The following VPS13B variants were observed in gnomAD, a reference collection of about 807,000 sequenced individuals.
The protein encoded by VPS13B is intermembrane lipid transfer protein VPS13B.
VPS13B carries 285 observed loss-of-function variants against 426.4 expected under a neutral mutation model. That is an observed-to-expected ratio of 0.67 (90% confidence interval 0.61 to 0.74). The LOEUF (loss-of-function observed/expected upper bound fraction) is 0.74. VPS13B is among the 30% of genes least tolerant of loss of function. The pLI is 0.00. For missense variants in VPS13B, 4,537 were observed against 4,782.6 expected, an observed-to-expected ratio of 0.95 and a Z score of 1.51; for synonymous variants, 1,676 against 1,676.4, an observed-to-expected ratio of 1.00 and a Z score of 0.01.
At chr8:99,241,278 G>C (rs1053650170) in intron 17 of VPS13B, 15 of 152,212 alleles carry the variant, frequency 9.9e-5, no homozygotes, top group African/African-American at 3.6e-4. Flanking sequence ...AGAGAGGAAA[G>C]AGGATAGTGA....
chr8:99,292,688 T>A (rs1183413808), intron 19 of VPS13B, among the ~76,000 whole-genome samples: 1 of 152,106 alleles, frequency 6.6e-6, no homozygotes, highest in East Asian at 1.9e-4. Flanking sequence ...AAATAGCAAA[T>A]AATTTAGATA....
intron 28 of VPS13B, chr8:99,507,728 T>C: frequency 1.9e-6 from 3 of 1,613,760 alleles, no homozygotes; most frequent in African/African-American, 1.3e-5. Flanking sequence ...TTTTATTGCT[T>C]TTTGTCTTTT....
At position 99,505,840 on chromosome 8, in the gene VPS13B, G is replaced by A. The variant is rs118180258; in HGVS notation, c.4158-1297G>A. Among the ~76,000 whole-genome samples, 110 of 152,094 alleles carry A rather than the reference G, an allele frequency of 7.2e-4. 1 individual carries two copies. The East Asian group carries it at 0.02, about 28-fold the overall frequency. On this transcript the variant is annotated intron_variant, in intron 27 of 61. Transcript: ENST00000357162. ...ATAAAGCAAAGCCCATAAAACCGAG[G>A]TATGCCTGTACTTATTCTCAAAGAG... is the stretch of plus-strand genomic sequence containing the variant.
chr8:99,768,762 A>G (rs1811348595), intron 40 of VPS13B, among the ~76,000 whole-genome samples: 1 of 152,212 alleles, frequency 6.6e-6, no homozygotes, highest in Non-Finnish European at 1.5e-5. Context: ...TTTTACCTGC[A>G]TATAGTTCAG....
At chr8:99,316,395 C>T (rs1018945604) in intron 19 of VPS13B, among the ~76,000 whole-genome samples, 2 of 152,152 alleles carry the variant, frequency 1.3e-5, no homozygotes, top group Non-Finnish European at 2.9e-5. Context: ...CCTGGATTCT[C>T]AAAGTGGTGC....
rs376701789 is a variant in VPS13B, at chr8:99,293,478, G to A, written c.2824+18224G>A. ...AGGCATTACCATTCAGGACATAGGCGTGGGCAAGGACTTCATGTCCAAAAC... is the reference window on the plus strand; with the variant it reads ...AGGCATTACCATTCAGGACATAGGCATGGGCAAGGACTTCATGTCCAAAAC... On this transcript the variant is annotated intron_variant, in intron 19 of 61. Coordinates refer to ENST00000357162, the MANE Select transcript of VPS13B (RefSeq NM_152564.5). Among the ~76,000 whole-genome samples the A allele has an allele frequency of 6.4e-3, 688 of 108,048 alleles. 10 individuals carry two copies. The highest frequency in any genetic ancestry group is 0.018 in the East Asian group (72 of 3,922). 70.9% of individuals were successfully genotyped at this position (108,048 alleles called of 152,430 possible).
intron 19 of VPS13B, among the ~76,000 whole-genome samples, chr8:99,296,340 A>C (rs181827997): frequency 6.6e-6 from 1 of 152,276 alleles, no homozygotes; most frequent in Admixed American, 6.5e-5. Context: ...CACTGGAAAT[A>C]AGGATAATAT....
At chr8:99,792,784 T>C (rs1377971856) in intron 43 of VPS13B, among the ~76,000 whole-genome samples, 1 of 152,164 alleles carries the variant, frequency 6.6e-6, no homozygotes, top group African/African-American at 2.4e-5. Context: ...ATTTGGAGTC[T>C]TATGAACCCT....
At chr8:99,315,832 G>C (rs1362427269) in intron 19 of VPS13B, among the ~76,000 whole-genome samples, 1 of 152,126 alleles carries the variant, frequency 6.6e-6, no homozygotes, top group South Asian at 2.1e-4. Flanking sequence ...TGTTGCTTGA[G>C]AATTATTGTG....
Position 99,869,310 on chromosome 8 carries a change from C to A in VPS13B, c.11392+845C>A, listed in dbSNP as rs536385840. 2.0e-5 allele frequency among the ~76,000 whole-genome samples: 3 copies of A among 152,176 alleles called. No individual in the cohort carries two copies. The South Asian group carries it at 6.2e-4, about 32-fold the overall frequency. Reference sequence around the variant, plus strand: ...TCTGCATCCGCATCTGGCCATAAAGCCCATGGGATGTGTTTCTAGGGAGGC... The same window carrying A: ...TCTGCATCCGCATCTGGCCATAAAGACCATGGGATGTGTTTCTAGGGAGGC... On this transcript the variant is annotated intron_variant, in intron 59 of 61. Coordinates refer to ENST00000357162, the MANE Select transcript of VPS13B (RefSeq NM_152564.5).
intron 35 of VPS13B, among the ~76,000 whole-genome samples, chr8:99,690,057 T>C (rs1831584518): frequency 6.6e-6 from 1 of 152,206 alleles, no homozygotes; most frequent in Admixed American, 6.5e-5. Flanking sequence ...TTAAAGGTAT[T>C]ATTTTCTGTG....
intron 17 of VPS13B, among the ~76,000 whole-genome samples, chr8:99,199,458 A>C (rs1814165365): frequency 6.6e-6 from 1 of 152,172 alleles, no homozygotes; most frequent in African/African-American, 2.4e-5. Context: ...GGCATGAGCC[A>C]CCACACCCGG....
At chr8:99,356,138 C>T (rs987482880) in intron 19 of VPS13B, among the ~76,000 whole-genome samples, 6 of 151,956 alleles carry the variant, frequency 3.9e-5, no homozygotes, top group African/African-American at 1.2e-4. Flanking sequence ...ATTTTCAGGT[C>T]GAAGACTGGA....
chr8:99,228,196 T>G (rs941076398), intron 17 of VPS13B, among the ~76,000 whole-genome samples: 1 of 152,232 alleles, frequency 6.6e-6, no homozygotes, highest in Non-Finnish European at 1.5e-5. Flanking sequence ...AAAATTAAAA[T>G]TTTGTAATTT....
chr8:99,315,029 G>A (rs377733340), intron 19 of VPS13B, among the ~76,000 whole-genome samples: 60 of 152,056 alleles, frequency 3.9e-4, no homozygotes, highest in African/African-American at 1.3e-3. Context: ...GTTTCTTGTC[G>A]GCAGCATATA....
chr8:99,604,089 ACTT>A (rs1588540678), intron 33 of VPS13B, among the ~76,000 whole-genome samples: 1 of 152,284 alleles, frequency 6.6e-6, no homozygotes, highest in Non-Finnish European at 1.5e-5. Context: ...TTGGCTCTAA[ACTT>A]CTTGGCAGCC....
At chr8:99,596,131 G>A (rs74415604) in intron 33 of VPS13B, among the ~76,000 whole-genome samples, 6,416 of 151,978 alleles carry the variant, frequency 0.042, 147 homozygotes, top group East Asian at 0.06. Context: ...GAGTTGAATA[G>A]ATCAGCATTT....
intron 54 of VPS13B, among the ~76,000 whole-genome samples, chr8:99,844,612 C>T (rs550350574): frequency 9.9e-5 from 15 of 152,186 alleles, no homozygotes; most frequent in Non-Finnish European, 1.5e-4. Context: ...TCAGGCAATC[C>T]GCCCGCCTCA....
At chr8:99,818,928 G>A in intron 47 of VPS13B, 40 bp downstream of exon 47, 2 of 1,371,064 alleles carry the variant, frequency 1.5e-6, no homozygotes, top group African/African-American at 1.5e-5. Flanking sequence ...CATTTTCCTA[G>A]GAGAAATTAA....
Sources: allele counts gnomAD v4.1 joint callset (sites outside exome capture counted in the v4.1 genomes callset), GRCh38; gene constraint gnomAD v4.1.1; transcripts MANE v1.5; gene names NCBI Gene and HGNC (gene_info 2026-07-23, HGNC 2026-07-21).